Variants in MAST2 observed in about 807,000 individuals in gnomAD.
The protein encoded by MAST2 is microtubule associated serine/threonine kinase 2, also known as microtubule-associated serine/threonine-protein kinase 2.
Under a neutral mutation model 147.4 loss-of-function variants are expected in MAST2, and 70 were observed. The observed-to-expected ratio is 0.47, with a 90% CI of 0.39 to 0.58. MAST2 has a LOEUF of 0.58. Ranked by LOEUF, MAST2 falls within the 20% of genes least tolerant of loss-of-function variation. The probability of loss-of-function intolerance (pLI) is 0.00; values close to 1 mark genes in which losing one functional copy is unlikely to be tolerated. For missense variants in MAST2, 2,080 were observed against 2,302.3 expected (o/e 0.90, Z 1.98); for synonymous variants, 869 against 896.8 (o/e 0.97, Z 0.55).
chr1:45,914,674 T>C (rs898831137), intron 4 of MAST2, among the ~76,000 whole-genome samples: 1 of 152,196 alleles, frequency 6.6e-6, no homozygotes, highest in Non-Finnish European at 1.5e-5. Flanking sequence ...CTTTGTGATG[T>C]TGCCCTTCAG....
rs778205100 is a variant in MAST2 at position 46,034,089 on chromosome 1, C to T, written c.3691C>T (p.Leu1231=). ...DGQESRKRSS[L]FRKITKQASL... ...TCCCCGCAGCAGAAAAAGGAGCTCC[C>T]TGTTCCGCAAGATCACCAAGCAAGC... The change falls in exon 28 of 29, where the codon CTG becomes TTG. Residue 1231 remains leucine, a synonymous_variant. Transcript: ENST00000361297. 1.9e-6 allele frequency: 3 copies of T among 1,613,618 alleles called. No individual in the cohort carries two copies. The highest frequency in any genetic ancestry group is 2.5e-6 in the Non-Finnish European group (3 of 1,179,724).
chr1:45,920,087 G>A (rs769452487), intron 4 of MAST2, among the ~76,000 whole-genome samples: 4 of 152,132 alleles, frequency 2.6e-5, no homozygotes, highest in Non-Finnish European at 5.9e-5. Flanking sequence ...AATACTTTGA[G>A]TACTCTATTT....
chr1:45,932,474 G>A lies in MAST2; in HGVS notation c.501-26912G>A, dbSNP rs144477561. On this transcript the variant is annotated intron_variant, in intron 4 of 28. Coordinates refer to ENST00000361297, the MANE Select transcript of MAST2 (RefSeq NM_015112.3). The stretch of plus-strand genomic sequence containing the variant: ...GGATCACTTGAGGTCAGGAGTTCAA[G>A]ACCAGCCTGGCCAACGTGGTGAAAC... Among the ~76,000 whole-genome samples the A allele has an allele frequency of 3.1e-4, 47 of 152,266 alleles. 1 individual carries two copies. The East Asian group carries it at 9.1e-3, about 29-fold the overall frequency.
chr1:45,876,502 T>C (rs946742342), intron 3 of MAST2, among the ~76,000 whole-genome samples: 12 of 152,208 alleles, frequency 7.9e-5, no homozygotes, highest in African/African-American at 4.8e-5. Flanking sequence ...TCACCTGATA[T>C]TGTAATGTAT....
intron 10 of MAST2, among the ~76,000 whole-genome samples, chr1:46,013,144 C>T (rs1199032129): frequency 1.3e-5 from 2 of 152,102 alleles, no homozygotes; most frequent in Non-Finnish European, 2.9e-5. Context: ...ACTGCATTAC[C>T]TCATTTAATT....
chr1:46,017,786 A>G (rs1256234157), intron 10 of MAST2, among the ~76,000 whole-genome samples: 1 of 152,196 alleles, frequency 6.6e-6, no homozygotes, highest in African/African-American at 2.4e-5. Context: ...TAGAACTAGA[A>G]ATACCATTTG....
intron 5 of MAST2, among the ~76,000 whole-genome samples, chr1:45,973,975 GT>G (rs940031801): frequency 6.6e-6 from 1 of 152,194 alleles, no homozygotes. Context: ...TTGTCAAGGA[GT>G]TTTGCTGTTA....
At chr1:45,823,353 T>G (rs1644696053) in intron 1 of MAST2, among the ~76,000 whole-genome samples, 1 of 103,222 alleles carries the variant, frequency 9.7e-6, no homozygotes, top group Non-Finnish European at 1.9e-5. Flanking sequence ...TTTTTTTTTT[T>G]GAGACGGAGT....
Position 46,034,101 on chromosome 1 carries a change from A to G in MAST2, c.3703A>G (p.Ile1235Val), listed in dbSNP as rs534079768. 6.2e-7 allele frequency: 1 copy of G among 1,613,836 alleles called. No individual in the cohort carries two copies. The highest frequency in any genetic ancestry group is 1.3e-5 in the African/African-American group (1 of 75,026). The change falls in exon 28 of 29, where the codon ATC (isoleucine) becomes GTC (valine). Residue 1235 changes from isoleucine to valine, a missense_variant. Transcript: ENST00000361297. ...AAAAAGGAGCTCCCTGTTCCGCAAG[A>G]TCACCAAGCAAGCATCCCTGCTCCA... ...SRKRSSLFRK[I>V]TKQASLLHTS... is the part of the protein sequence containing the mutation.
intron 5 of MAST2, among the ~76,000 whole-genome samples, chr1:45,986,582 G>T (rs1360032427): frequency 6.6e-6 from 1 of 152,004 alleles, no homozygotes; most frequent in Non-Finnish European, 1.5e-5. Context: ...TCCAGGTGTG[G>T]TGGCGGGTGC....
At chr1:45,915,447 A>G (rs1570694612) in intron 4 of MAST2, among the ~76,000 whole-genome samples, 2 of 152,216 alleles carry the variant, frequency 1.3e-5, no homozygotes, top group African/African-American at 4.8e-5. Flanking sequence ...GCGGTGGCTT[A>G]CGCCAGTAAT....
chr1:46,032,401 G>A lies in MAST2; in HGVS notation c.3411G>A (p.Val1137=). The change falls in exon 25 of 29, where the codon GTG becomes GTA. Residue 1137 remains valine, a synonymous_variant. Coordinates refer to ENST00000361297, the MANE Select transcript of MAST2 (RefSeq NM_015112.3). The part of the protein sequence containing the change: ...DSDVYTVHHM[V]WHVEDGGPAS... ...ATGTCTACACCGTGCACCATATGGT[G>A]TGGGTATGTCTGACCATCCAGACCT... The A allele has an allele frequency of 3.1e-6, 5 of 1,614,120 alleles. No individual in the cohort carries two copies. Among genetic ancestry groups the A allele is most frequent in the Non-Finnish European group, 4.2e-6 (5 of 1,179,982 alleles).
At chr1:45,821,125 C>T (rs540647730) in intron 1 of MAST2, among the ~76,000 whole-genome samples, 1 of 152,110 alleles carries the variant, frequency 6.6e-6, no homozygotes, top group Non-Finnish European at 1.5e-5. Context: ...ATCTCAAACT[C>T]CTGGGCTCAA....
chr1:45,811,113 A>C (rs1176298887), intron 1 of MAST2, among the ~76,000 whole-genome samples: 2 of 150,956 alleles, frequency 1.3e-5, no homozygotes, highest in African/African-American at 4.9e-5. Context: ...GGCCTCTCAA[A>C]GTGTTGGGAT....
At chr1:45,926,613 T>C (rs1052954707) in intron 4 of MAST2, among the ~76,000 whole-genome samples, 1 of 152,208 alleles carries the variant, frequency 6.6e-6, no homozygotes, top group African/African-American at 2.4e-5. Context: ...AAAAGACCAT[T>C]TTTTGGCAAT....
At chr1:45,873,943 C>T (rs1646498856) in intron 3 of MAST2, among the ~76,000 whole-genome samples, 1 of 152,184 alleles carries the variant, frequency 6.6e-6, no homozygotes, top group South Asian at 2.1e-4. Flanking sequence ...ACCTCAGCCC[C>T]CTGAGTAGCT....
At chr1:45,852,240 A>G (rs928791195) in intron 3 of MAST2, among the ~76,000 whole-genome samples, 3 of 152,226 alleles carry the variant, frequency 2.0e-5, no homozygotes, top group South Asian at 2.1e-4. Context: ...CACAATCAAC[A>G]TACAGAACCG....
chr1:45,925,744 C>T (rs763358693), intron 4 of MAST2, among the ~76,000 whole-genome samples: 1 of 152,238 alleles, frequency 6.6e-6, no homozygotes, highest in Non-Finnish European at 1.5e-5. Context: ...CTAGCTTTAT[C>T]TTGCTTCCTA....
chr1:45,877,931 C>A (rs778827485), intron 3 of MAST2, among the ~76,000 whole-genome samples: 1 of 152,044 alleles, frequency 6.6e-6, no homozygotes, highest in Non-Finnish European at 1.5e-5. Context: ...AGGTTGGGCA[C>A]GGTGGCTCAC....
Sources: gnomAD v4.1 joint callset for allele counts (sites outside exome capture counted in the v4.1 genomes callset) on GRCh38, gnomAD v4.1.1 for gene constraint, MANE v1.5 for transcripts, NCBI Gene and HGNC (gene_info 2026-07-23, HGNC 2026-07-21) for gene names.